The following CD96 variants were observed in gnomAD, a reference collection of about 807,000 sequenced individuals.
CD96 encodes the protein T-cell surface protein tactile.
A neutral mutation model predicts 71.3 loss-of-function variants in CD96; 70 were observed. That is an observed-to-expected ratio of 0.98 (90% CI 0.81 to 1.20). CD96 has a LOEUF of 1.20. CD96 is among the 50% of genes most tolerant of loss of function. The pLI, the probability that CD96 is intolerant of heterozygous loss-of-function variation, is 0.00. For synonymous variants in CD96, 248 were observed against 233.0 expected (o/e 1.06, Z -0.59); for missense variants, 742 against 677.5 (o/e 1.10, Z -1.06).
chr3:111,567,668 T>G, intron 3 of CD96, 21 bp downstream of exon 3: 1 of 1,605,368 alleles, frequency 6.2e-7, no homozygotes, highest in Non-Finnish European at 8.5e-7. Context: ...CCCTTTTCAG[T>G]GAATAACCTC....
intron 6 of CD96, among the ~76,000 whole-genome samples, chr3:111,599,678 G>A (rs1270111567): frequency 5.3e-5 from 8 of 151,912 alleles, no homozygotes; most frequent in East Asian, 1.9e-4. Flanking sequence ...CCAAGATTGC[G>A]CCATTGCACT....
At chr3:111,562,064 G>T (rs980069294) in intron 2 of CD96, among the ~76,000 whole-genome samples, 4 of 152,192 alleles carry the variant, frequency 2.6e-5, no homozygotes, top group Non-Finnish European at 4.4e-5. Flanking sequence ...GCCCTGCTTC[G>T]GCTCCCGCAC....
chr3:111,637,077 T>C, intron 10 of CD96, 119 bp from the exon 11 acceptor site: 1 of 707,556 alleles, frequency 1.4e-6, no homozygotes, highest in Non-Finnish European at 2.6e-6. Context: ...AACAGTTTAA[T>C]GATTTTGCTT....
intron 8 of CD96, among the ~76,000 whole-genome samples, chr3:111,620,340 A>C (rs1938458714): frequency 6.6e-6 from 1 of 152,046 alleles, no homozygotes; most frequent in East Asian, 1.9e-4. Context: ...TGGTTAAACA[A>C]ACAAAAAAAA....
chr3:111,585,979 C>T (rs376545321), intron 5 of CD96, among the ~76,000 whole-genome samples: 26 of 152,194 alleles, frequency 1.7e-4, no homozygotes, highest in Non-Finnish European at 2.9e-4. Context: ...CTTTCTCTTG[C>T]GAGCTGTGAC....
At position 111,600,600 on chromosome 3, in the gene CD96, G is replaced by A; in HGVS notation, c.899-126G>A. The A allele has an allele frequency of 1.3e-5, 9 of 715,100 alleles. No homozygotes were observed. The South Asian group carries it at 1.4e-4, about 11-fold the overall frequency. The allele number at this position is 715,100 out of a possible 1,614,324, so 44.3% of individuals were successfully genotyped here. The stretch of plus-strand genomic sequence containing the variant: ...TCTGCTGAAATTGACTCTCACTGCA[G>A]AGAAGCTGCCATTTGACCACTTTAG... On this transcript the variant is annotated intron_variant, in intron 6 of 13. Transcript: ENST00000352690.
At chr3:111,555,872 T>C (rs1268526764) in intron 2 of CD96, among the ~76,000 whole-genome samples, 3 of 152,302 alleles carry the variant, frequency 2.0e-5, no homozygotes, top group Non-Finnish European at 4.4e-5. Flanking sequence ...ACTCTTTCAC[T>C]TCTTTTTCTA....
intron 8 of CD96, among the ~76,000 whole-genome samples, chr3:111,618,583 T>C (rs1421308697): frequency 3.8e-5 from 3 of 78,266 alleles, no homozygotes; most frequent in African/African-American, 2.0e-4. Context: ...TATTTCTCTC[T>C]TTTTTTTTTT....
chr3:111,635,340 C>G (rs956124483), intron 10 of CD96, among the ~76,000 whole-genome samples: 4 of 152,108 alleles, frequency 2.6e-5, no homozygotes, highest in Non-Finnish European at 4.4e-5. Flanking sequence ...CAAAAAACCT[C>G]AAAGTCAAAA....
At chr3:111,590,109 A>G (rs555251911) in intron 5 of CD96, among the ~76,000 whole-genome samples, 1 of 152,304 alleles carries the variant, frequency 6.6e-6, no homozygotes, top group South Asian at 2.1e-4. Context: ...ATACTGTGGA[A>G]TAATTTTTTT....
At chr3:111,544,908 C>A in intron 1 of CD96, 138 bp from the exon 2 acceptor site, 1 of 754,920 alleles carries the variant, frequency 1.3e-6, no homozygotes, top group South Asian at 1.4e-5. Context: ...GAGACACAAG[C>A]TCTACTCTAT....
At chr3:111,584,193 T>C (rs1033002436) in intron 4 of CD96, among the ~76,000 whole-genome samples, 16 of 152,196 alleles carry the variant, frequency 1.1e-4, no homozygotes, top group African/African-American at 3.6e-4. Context: ...GTCTCTTTGC[T>C]AAAACATAAC....
At chr3:111,603,657 A>G (rs1487854128) in intron 7 of CD96, among the ~76,000 whole-genome samples, 1 of 152,136 alleles carries the variant, frequency 6.6e-6, no homozygotes, top group African/African-American at 2.4e-5. Context: ...CTTGACAGAG[A>G]TTTGTTTATT....
intron 2 of CD96, among the ~76,000 whole-genome samples, chr3:111,560,179 CT>C (rs1935311966): frequency 6.6e-6 from 1 of 151,520 alleles, no homozygotes; most frequent in African/African-American, 2.4e-5. Flanking sequence ...CAGTCTGTGT[CT>C]TTTAATTGGA....
chr3:111,664,673 CA>C (rs935611108), intron 14 of CD96, among the ~76,000 whole-genome samples: 11 of 150,320 alleles, frequency 7.3e-5, no homozygotes, highest in East Asian at 1.9e-4. Flanking sequence ...AAATTTTAAA[CA>C]AAAAAAAGGT....
intron 5 of CD96, among the ~76,000 whole-genome samples, chr3:111,592,573 GTC>G (rs141287119): frequency 0.035 from 5,355 of 152,132 alleles, 309 homozygotes; most frequent in African/African-American, 0.12. Context: ...CTAGAGCACT[GTC>G]TCTCTTCCCC....
At chr3:111,595,129 A>G (rs1037997318) in intron 5 of CD96, 3 of 166,146 alleles carry the variant, frequency 1.8e-5, no homozygotes, top group African/African-American at 7.2e-5. Context: ...TTTGCTCTTT[A>G]CCTCATTTTA....
intron 4 of CD96, among the ~76,000 whole-genome samples, chr3:111,583,469 T>G (rs1422488823): frequency 6.6e-6 from 1 of 152,220 alleles, no homozygotes; most frequent in Non-Finnish European, 1.5e-5. Context: ...CATTAGGGAC[T>G]CTGTGTGGGG....
At chr3:111,548,352 A>AT (rs922695365) in intron 2 of CD96, among the ~76,000 whole-genome samples, 1 of 152,060 alleles carries the variant, frequency 6.6e-6, no homozygotes, top group Non-Finnish European at 1.5e-5. Context: ...TTTTCACAAT[A>AT]TTTTGTCTCT....
Sources: gnomAD v4.1 joint callset for allele counts (sites outside exome capture counted in the v4.1 genomes callset) on GRCh38, gnomAD v4.1.1 for gene constraint, MANE v1.5 for transcripts, NCBI Gene and HGNC (gene_info 2026-07-23, HGNC 2026-07-21) for gene names.